Variants in TTC21B observed in about 807,000 individuals in gnomAD.
TTC21B encodes tetratricopeptide repeat protein 21B.
A neutral mutation model predicts 175.1 loss-of-function variants in TTC21B; 127 were observed. The ratio of observed to expected loss-of-function variants is 0.73; its 90% CI spans 0.63 to 0.84. TTC21B has a LOEUF of 0.84. Ranked by LOEUF, TTC21B falls within the 40% of genes least tolerant of loss-of-function variation. The probability of loss-of-function intolerance (pLI) is 0.00; values close to 1 mark genes in which losing one functional copy is unlikely to be tolerated. For missense variants in TTC21B, 1,561 were observed against 1,558.3 expected (o/e 1.00, Z -0.03); for synonymous variants, 524 against 524.5 (o/e 1.00, Z 0.01).
intron 1 of TTC21B, 133 bp from the exon 2 acceptor site, chr2:165,949,857 A>G: frequency 3.7e-6 from 3 of 816,294 alleles, no homozygotes; most frequent in South Asian, 1.7e-5. Context: ...CAAGTTTCTT[A>G]AAATACTATT....
In TTC21B at chr2:165,874,613, G is replaced by T; in HGVS notation, c.*142C>A. ...AATTTCACATAGTACTTCTCTTGAT[G>T]TACAGCAGCAACCTCTGCTGGAGAA... On this transcript the variant is annotated 3_prime_UTR_variant, in exon 29 of 29. Coordinates refer to ENST00000243344, the MANE Select transcript of TTC21B (RefSeq NM_024753.5). 1 of 721,628 alleles carries T rather than the reference G, an allele frequency of 1.4e-6. No homozygotes were observed. Among genetic ancestry groups the T allele is most frequent in the Non-Finnish European group, 2.4e-6 (1 of 408,590 alleles). The allele number at this position is 721,628 out of a possible 1,614,324, so 44.7% of individuals were successfully genotyped here. A position where few individuals can be genotyped will look rare whatever the true frequency, so the allele number is the denominator to read the frequency against.
At chr2:165,945,421 T>G (rs1204280510) in intron 4 of TTC21B, 103 bp downstream of exon 4, 1 of 1,086,998 alleles carries the variant, frequency 9.2e-7, no homozygotes, top group East Asian at 2.6e-5. Flanking sequence ...AAACTGGCAA[T>G]AGAGTGAACA....
In TTC21B at chr2:165,953,751, G is replaced by C. The variant is rs1168941782; in HGVS notation, c.-46C>G. On this transcript the variant is annotated 5_prime_UTR_variant, in exon 1 of 29. Coordinates refer to ENST00000243344, the MANE Select transcript of TTC21B (RefSeq NM_024753.5). ...GCGGGGCTCTGGGGATTGTCTCGCC[G>C]CAGCCTAAAGGAAGACGCAGAATTC... The C allele has an allele frequency of 6.5e-7, 1 of 1,548,078 alleles. No individual in the cohort carries two copies. The highest frequency in any genetic ancestry group is 8.7e-7 in the Non-Finnish European group (1 of 1,146,204).
At chr2:165,917,124 CTG>C in intron 14 of TTC21B, 131 bp downstream of exon 14, 1 of 791,238 alleles carries the variant, frequency 1.3e-6, no homozygotes, top group South Asian at 1.5e-5. Flanking sequence ...GATGATCCAT[CTG>C]CCTCGGCCTC....
chr2:165,912,835 T>C (rs544763084), intron 16 of TTC21B, among the ~76,000 whole-genome samples: 36 of 152,308 alleles, frequency 2.4e-4, no homozygotes, highest in Non-Finnish European at 4.7e-4. Context: ...ATTCTACCCA[T>C]ATTAACTGTG....
chr2:165,945,710 T>A lies in TTC21B; in HGVS notation c.263-20A>T, dbSNP rs780707159. 6.2e-7 allele frequency: 1 copy of A among 1,608,662 alleles called. No homozygotes were observed. The highest frequency in any genetic ancestry group is 8.5e-7 in the Non-Finnish European group (1 of 1,178,204). Reference sequence around the variant, plus strand: ...CTCTATCTGGTAGGGGAAAATGATATTAAATAAAAATTAAATTCTGGATCA... The same window carrying A: ...CTCTATCTGGTAGGGGAAAATGATAATAAATAAAAATTAAATTCTGGATCA... On this transcript the variant is annotated intron_variant, in intron 3 of 28. Transcript: ENST00000243344.
At chr2:165,892,654 G>C (rs941069859) in intron 22 of TTC21B, among the ~76,000 whole-genome samples, 1 of 151,908 alleles carries the variant, frequency 6.6e-6, no homozygotes, top group Non-Finnish European at 1.5e-5. Context: ...GCTTACAGAG[G>C]TGCCTAGAAT....
Position 165,874,644 on chromosome 2 carries a change from G to A in TTC21B, c.*111C>T, listed in dbSNP as rs748606861. 1.3e-5 allele frequency: 12 copies of A among 930,692 alleles called. No individual in the cohort carries two copies. In the Admixed American group the frequency reaches 1.4e-4, roughly 11 times the overall value. The allele number at this position is 930,692 out of a possible 1,614,324, so 57.7% of individuals were successfully genotyped here. ...CAGCAACCTCTGCTGGAGAAAAAAG[G>A]GTATACTTCTAATAACAAAGCACTG... On this transcript the variant is annotated 3_prime_UTR_variant, in exon 29 of 29. Coordinates refer to ENST00000243344, the MANE Select transcript of TTC21B (RefSeq NM_024753.5).
At chr2:165,945,763 C>T in intron 3 of TTC21B, 73 bp from the exon 4 acceptor site, 2 of 1,493,042 alleles carry the variant, frequency 1.3e-6, no homozygotes, top group Non-Finnish European at 1.8e-6. Context: ...AGATAATTAA[C>T]AAGGCAAAAA....
At chr2:165,922,900 C>T (rs1365559608) in intron 12 of TTC21B, among the ~76,000 whole-genome samples, 1 of 152,140 alleles carries the variant, frequency 6.6e-6, no homozygotes, top group Admixed American at 6.5e-5. Context: ...GAACACTACT[C>T]AGCTGTAAAA....
chr2:165,914,989 A>T (rs1686109568), intron 15 of TTC21B, among the ~76,000 whole-genome samples: 1 of 152,114 alleles, frequency 6.6e-6, no homozygotes, highest in Non-Finnish European at 1.5e-5. Flanking sequence ...AAACTACAGC[A>T]AGCCAGTTTG....
At chr2:165,935,347 A>G (rs528197670) in intron 6 of TTC21B, among the ~76,000 whole-genome samples, 6 of 152,198 alleles carry the variant, frequency 3.9e-5, no homozygotes, top group Non-Finnish European at 7.3e-5. Context: ...ATAGTCCTAC[A>G]TGTGTTCAAA....
intron 5 of TTC21B, among the ~76,000 whole-genome samples, 176 bp from the exon 6 acceptor site, chr2:165,941,360 C>A (rs1357105808): frequency 6.6e-6 from 1 of 152,078 alleles, no homozygotes; most frequent in East Asian, 1.9e-4. Context: ...AATACAAATA[C>A]ATTATATAAG....
At position 165,878,874 on chromosome 2, in the gene TTC21B, G is replaced by A. The variant is rs535802330; in HGVS notation, c.3805+1805C>T. On this transcript the variant is annotated intron_variant, in intron 27 of 28. Coordinates refer to ENST00000243344, the MANE Select transcript of TTC21B (RefSeq NM_024753.5). ...TTTTTGTATTTTTAGTAGAGACGGA[G>A]TTTCACCATGTTGGCCAGGCTAGTT... 4.2e-3 allele frequency among the ~76,000 whole-genome samples: 643 copies of A among 152,142 alleles called. 4 individuals carry two copies. The highest frequency in any genetic ancestry group is 4.7e-3 in the Non-Finnish European group (317 of 68,018).
At chr2:165,914,260 A>C (rs1686061080) in intron 15 of TTC21B, among the ~76,000 whole-genome samples, 1 of 152,312 alleles carries the variant, frequency 6.6e-6, no homozygotes, top group African/African-American at 2.4e-5. Context: ...AGATGATGTT[A>C]AGAGTTGCAG....
chr2:165,953,716 A>C lies in TTC21B; in HGVS notation c.-11T>G, dbSNP rs1257211563. The C allele has an allele frequency of 1.3e-6, 2 of 1,531,244 alleles. No individual in the cohort carries two copies. The highest frequency in any genetic ancestry group is 1.7e-6 in the Non-Finnish European group (2 of 1,144,048). The allele number at this position is 1,531,244 out of a possible 1,614,324, so 94.9% of individuals were successfully genotyped here. On this transcript the variant is annotated 5_prime_UTR_variant, in exon 1 of 29. Coordinates refer to ENST00000243344, the MANE Select transcript of TTC21B (RefSeq NM_024753.5). The stretch of plus-strand genomic sequence containing the variant: ...TTCCTGCGAGTCCATGGCTGCCCCG[A>C]GGCCGGGCCGCGGGGCTCTGGGGAT...
chr2:165,875,786 TTAACATGTTTCTC>T (rs1201114133), intron 28 of TTC21B, among the ~76,000 whole-genome samples: 17 of 151,782 alleles, frequency 1.1e-4, no homozygotes, highest in Admixed American at 1.1e-3. Flanking sequence ...TACATTTTAT[TTAACATGTTTCTC>T]CCACTGGTCT....
rs1322312010 is a variant in TTC21B, at chr2:165,929,147, G to A, written c.1374C>T (p.Phe458=). 6.2e-7 allele frequency: 1 copy of A among 1,612,728 alleles called. No individual in the cohort carries two copies. The highest frequency in any genetic ancestry group is 1.7e-5 in the Admixed American group (1 of 59,918). Residue 458 remains phenylalanine (F), a synonymous_variant, in exon 11 of 29, where the codon TTC becomes TTT. Transcript: ENST00000243344. The part of the protein sequence containing the change: ...LLEIVMEYLS[F]CPMQPASPGQ... ...CATAATTACTTACCTGCATTGGACA[G>A]AAGCTCAGATACTCCATAACAATTT... is the stretch of plus-strand genomic sequence containing the variant.
intron 21 of TTC21B, among the ~76,000 whole-genome samples, chr2:165,899,513 A>G (rs1026078482): frequency 6.6e-6 from 1 of 152,172 alleles, no homozygotes; most frequent in Non-Finnish European, 1.5e-5. Flanking sequence ...CTGACCAAGC[A>G]TCCCCTTAGG....
Sources: gnomAD v4.1 joint callset for allele counts (sites outside exome capture counted in the v4.1 genomes callset) on GRCh38, gnomAD v4.1.1 for gene constraint, MANE v1.5 for transcripts, NCBI Gene and HGNC (gene_info 2026-07-23, HGNC 2026-07-21) for gene names.